TSPAN8: variants seen among roughly 807,000 people sequenced by gnomAD.
TSPAN8 encodes the protein tetraspanin 8.
In TSPAN8, 21 loss-of-function variants were observed where a neutral mutation model predicts 32.8. The ratio of observed to expected loss-of-function variants is 0.64; its 90% CI spans 0.45 to 0.92. TSPAN8 has a LOEUF of 0.92. TSPAN8 is among the 40% of genes least tolerant of loss of function. The pLI, the probability that TSPAN8 is intolerant of heterozygous loss-of-function variation, is 0.00. For synonymous variants in TSPAN8, 95 were observed against 94.6 expected (o/e 1.00, Z -0.03); for missense variants, 269 against 281.9 (o/e 0.95, Z 0.33).
rs1239842269 is a variant in TSPAN8, at chr12:71,139,726, G to A, written c.246C>T (p.Arg82=). 1.2e-6 allele frequency: 2 copies of A among 1,613,718 alleles called. No homozygotes were observed. Among genetic ancestry groups the A allele is most frequent in the East Asian group, 4.5e-5 (2 of 44,850 alleles). Residue 82 remains arginine (R), a synonymous_variant, in exon 4 of 9, where the codon CGC becomes CGT. Transcript: ENST00000247829. The part of the protein sequence containing the change: ...LGCCGAIKES[R]CMLLLFFIGL... The stretch of plus-strand genomic sequence containing the variant: ...GAGAACTCACCAACAGAAGCATGCA[G>A]CGACTTTCTTTTATAGCACCGCAGC...
chr12:71,154,572 A>G (rs1872365837), intron 2 of TSPAN8, among the ~76,000 whole-genome samples: 1 of 152,116 alleles, frequency 6.6e-6, no homozygotes, highest in Non-Finnish European at 1.5e-5. Context: ...AATAGCTATT[A>G]GCACTTTCCA....
rs1392830186 is a variant in TSPAN8 at position 71,156,264 on chromosome 12, A to G, written c.60+1355T>C. Among the ~76,000 whole-genome samples the G allele has an allele frequency of 6.1e-5, 4 of 65,070 alleles. No homozygotes were observed. The East Asian group carries it at 9.2e-4, about 15-fold the overall frequency. 42.7% of individuals were successfully genotyped at this position (65,070 alleles called of 152,430 possible). On this transcript the variant is annotated intron_variant, in intron 2 of 8. Coordinates refer to ENST00000247829, the MANE Select transcript of TSPAN8 (RefSeq NM_004616.3). ...TCAAAGTTCTCCAAAAAAAAAAAAA[A>G]AAAACAAACAAAAAAAAAACTAGAA...
intron 2 of TSPAN8, among the ~76,000 whole-genome samples, chr12:71,153,249 T>C (rs892962824): frequency 1.3e-5 from 2 of 152,236 alleles, no homozygotes; most frequent in Non-Finnish European, 2.9e-5. Flanking sequence ...TTTCATCTAT[T>C]TTTGAAACAA....
chr12:71,143,328 C>T (rs576860953), intron 3 of TSPAN8, among the ~76,000 whole-genome samples: 55 of 152,208 alleles, frequency 3.6e-4, no homozygotes, highest in Admixed American at 2.8e-3. Flanking sequence ...GAACAATCCC[C>T]GCACACTCGC....
rs1360922945 is a variant in TSPAN8 at position 71,132,720 on chromosome 12, G to C, written c.549C>G (p.Ser183Arg). ...ACLDKQRPCQ[S>R]YNGKQVYKET... ...CTTTGTAAACTTGTTTTCCATTATA[G>C]CTTTGGCATGGTCTCTGCTTATCTA... The change falls in exon 7 of 9, where the codon AGC (serine) becomes AGG (arginine). Residue 183 changes from serine (S) to arginine (R), a missense_variant. Coordinates refer to ENST00000247829, the MANE Select transcript of TSPAN8 (RefSeq NM_004616.3). 6.2e-7 allele frequency: 1 copy of C among 1,613,738 alleles called. No individual in the cohort carries two copies. The highest frequency in any genetic ancestry group is 1.1e-5 in the South Asian group (1 of 91,064).
chr12:71,146,219 A>G (rs1191342567), intron 2 of TSPAN8, among the ~76,000 whole-genome samples: 1 of 152,180 alleles, frequency 6.6e-6, no homozygotes, highest in Non-Finnish European at 1.5e-5. Context: ...GAAGTTGGCC[A>G]AAGTATCATT....
At position 71,125,298 on chromosome 12, in the gene TSPAN8, G is replaced by C. The variant is rs1264211890; in HGVS notation, c.*36C>G. ...ACAAAGCCAAAGCAACATTTTAAAGGGGTTTGACTGACGATAGGTTGATGC... is the reference window on the plus strand; with the variant it reads ...ACAAAGCCAAAGCAACATTTTAAAGCGGTTTGACTGACGATAGGTTGATGC... On this transcript the variant is annotated 3_prime_UTR_variant, in exon 9 of 9. Coordinates refer to ENST00000247829, the MANE Select transcript of TSPAN8 (RefSeq NM_004616.3). The C allele has an allele frequency of 6.3e-7, 1 of 1,582,468 alleles. No homozygotes were observed. The highest frequency in any genetic ancestry group is 8.6e-7 in the Non-Finnish European group (1 of 1,158,488).
At chr12:71,133,208 C>T (rs1032451466) in intron 6 of TSPAN8, among the ~76,000 whole-genome samples, 1 of 152,090 alleles carries the variant, frequency 6.6e-6, no homozygotes, top group African/African-American at 2.4e-5. Context: ...CTCAGCCTCC[C>T]GAGTAGCTGG....
chr12:71,150,036 T>C (rs1872200698), intron 2 of TSPAN8, among the ~76,000 whole-genome samples: 1 of 152,216 alleles, frequency 6.6e-6, no homozygotes, highest in African/African-American at 2.4e-5. Flanking sequence ...CAGGGAGGTC[T>C]ATAAACAGCT....
At chr12:71,130,703 T>G (rs971789936) in intron 7 of TSPAN8, among the ~76,000 whole-genome samples, 3 of 152,208 alleles carry the variant, frequency 2.0e-5, no homozygotes, top group Non-Finnish European at 4.4e-5. Flanking sequence ...GTGGTAAACA[T>G]TCAAGGAAAT....
intron 3 of TSPAN8, 23 bp downstream of exon 3, chr12:71,144,128 G>A (rs763005855): frequency 1.2e-6 from 2 of 1,602,084 alleles, no homozygotes; most frequent in African/African-American, 2.7e-5. Context: ...TGGGGAAAGG[G>A]TGACTTGTTT....
intron 2 of TSPAN8, among the ~76,000 whole-genome samples, chr12:71,153,077 G>A (rs1872309452): frequency 6.6e-6 from 1 of 152,086 alleles, no homozygotes. Flanking sequence ...CCCTCATTAA[G>A]AACTGGCCTC....
At chr12:71,142,851 A>AAAC (rs1555195662) in intron 3 of TSPAN8, among the ~76,000 whole-genome samples, 1,713 of 126,728 alleles carry the variant, frequency 0.014, 32 homozygotes, top group African/African-American at 0.057. Context: ...AAAAAACAAA[A>AAAC]AAAAAAAAAA....
chr12:71,155,613 G>A (rs897976136), intron 2 of TSPAN8, among the ~76,000 whole-genome samples: 30 of 152,114 alleles, frequency 2.0e-4, no homozygotes, highest in African/African-American at 6.3e-4. Context: ...TGAGGTAATC[G>A]GAAATTTCAG....
intron 6 of TSPAN8, among the ~76,000 whole-genome samples, chr12:71,136,746 G>C (rs1871709838): frequency 2.0e-5 from 3 of 152,094 alleles, no homozygotes; most frequent in Admixed American, 2.0e-4. Context: ...TAACAGACTG[G>C]TCAGACAGAT....
intron 2 of TSPAN8, among the ~76,000 whole-genome samples, chr12:71,152,587 T>A (rs1051190484): frequency 6.6e-6 from 1 of 152,130 alleles, no homozygotes; most frequent in Non-Finnish European, 1.5e-5. Flanking sequence ...GTTAACCAAT[T>A]TCCCCAAAGA....
chr12:71,128,031 C>G (rs1403273274), intron 8 of TSPAN8, among the ~76,000 whole-genome samples: 1 of 152,078 alleles, frequency 6.6e-6, no homozygotes, highest in African/African-American at 2.4e-5. Flanking sequence ...AGCATAAACC[C>G]AGAATACAAA....
At chr12:71,130,528 T>C (rs544860938) in intron 7 of TSPAN8, among the ~76,000 whole-genome samples, 3 of 152,344 alleles carry the variant, frequency 2.0e-5, no homozygotes, top group African/African-American at 7.2e-5. Context: ...TGTGTTATTT[T>C]TGTACTGCCC....
intron 6 of TSPAN8, among the ~76,000 whole-genome samples, chr12:71,134,904 C>G (rs1871631652): frequency 6.6e-6 from 1 of 152,138 alleles, no homozygotes; most frequent in Non-Finnish European, 1.5e-5. Context: ...CTGGTCAGGA[C>G]TTGTTGACAG....
Sources: allele counts gnomAD v4.1 joint callset (sites outside exome capture counted in the v4.1 genomes callset), GRCh38; gene constraint gnomAD v4.1.1; transcripts MANE v1.5; gene names NCBI Gene and HGNC (gene_info 2026-07-23, HGNC 2026-07-21).